EIF2B3: variants seen among roughly 807,000 people sequenced by gnomAD.
EIF2B3 encodes the protein eukaryotic translation initiation factor 2B subunit gamma.
In EIF2B3, 20 loss-of-function variants were observed where a neutral mutation model predicts 54.1. The observed-to-expected ratio is 0.37, with a 90% confidence interval of 0.26 to 0.54. The LOEUF is 0.54. EIF2B3 is among the 20% of genes least tolerant of loss of function. EIF2B3 has a pLI of 0.86. For synonymous variants in EIF2B3, 153 were observed against 188.1 expected, an observed-to-expected ratio of 0.81 and a Z score of 1.52; for missense variants, 448 against 547.8, an observed-to-expected ratio of 0.82 and a Z score of 1.82.
At chr1:44,875,042 AAAC>A (rs1655077063) in intron 9 of EIF2B3, among the ~76,000 whole-genome samples, 1 of 152,196 alleles carries the variant, frequency 6.6e-6, no homozygotes, top group Admixed American at 6.5e-5. Flanking sequence ...CTTGCCAAGA[AAAC>A]AAAATAAAAC....
chr1:44,937,947 C>T (rs1002809647), intron 4 of EIF2B3, among the ~76,000 whole-genome samples: 1 of 114,858 alleles, frequency 8.7e-6, no homozygotes, highest in Non-Finnish European at 1.8e-5. Context: ...TGAAATACTC[C>T]AAAAAGTCTA....
At chr1:44,924,908 T>C (rs942007983) in intron 5 of EIF2B3, 1 of 152,238 alleles carries the variant, frequency 6.6e-6, no homozygotes, top group Non-Finnish European at 1.5e-5. Flanking sequence ...AGTATATTTG[T>C]ACAGCTGACA....
rs869139321 is a variant in EIF2B3 at position 44,917,755 on chromosome 1, C to CTTTTT, written c.566+8868_566+8872dup. Reference sequence around the variant, plus strand: ...TATTTATTTTGCCACCAATAACACTCTTTTTTTTTTTTTTTTTTTTTTTTT... The same window carrying CTTTTT: ...TATTTATTTTGCCACCAATAACACTCTTTTTTTTTTTTTTTTTTTTTTTTTTTTTT... On this transcript the variant is annotated intron_variant, in intron 5 of 11. Coordinates refer to ENST00000360403, the MANE Select transcript of EIF2B3 (RefSeq NM_020365.5). Among the ~76,000 whole-genome samples, 9 of 44,238 alleles carry CTTTTT rather than the reference C, an allele frequency of 2.0e-4. 2 individuals are homozygous for CTTTTT. Among genetic ancestry groups the CTTTTT allele is most frequent in the Admixed American group, 6.9e-4 (2 of 2,880 alleles). 29.0% of individuals were successfully genotyped at this position (44,238 alleles called of 152,430 possible).
intron 3 of EIF2B3, among the ~76,000 whole-genome samples, chr1:44,955,286 T>A (rs367942157): frequency 9.9e-5 from 15 of 152,272 alleles, no homozygotes; most frequent in African/African-American, 3.1e-4. Context: ...ATTTAATAAA[T>A]GGTGTTGGGA....
chr1:44,850,856 T>C lies in EIF2B3; in HGVS notation c.*95A>G. 6.9e-7 allele frequency: 1 copy of C among 1,447,234 alleles called. No individual in the cohort carries two copies. Among genetic ancestry groups the C allele is most frequent in the East Asian group, 2.3e-5 (1 of 44,040 alleles). The allele number at this position is 1,447,234 out of a possible 1,614,324, so 89.6% of individuals were successfully genotyped here. ...TCTCCAGCATGCCTTTGGAAGCCCT[T>C]CTTTATTGGGAAATAAATACAGAGT... On this transcript the variant is annotated 3_prime_UTR_variant, in exon 12 of 12. Transcript: ENST00000360403.
At chr1:44,885,770 C>T (rs557893624) in intron 6 of EIF2B3, among the ~76,000 whole-genome samples, 13 of 151,282 alleles carry the variant, frequency 8.6e-5, no homozygotes, top group African/African-American at 2.4e-4. Flanking sequence ...TTTTTTTAGA[C>T]GCAGTCTCGC....
intron 5 of EIF2B3, 62 bp from the exon 6 acceptor site, chr1:44,897,506 C>G: frequency 7.6e-7 from 1 of 1,309,614 alleles, no homozygotes; most frequent in Non-Finnish European, 1.1e-6. Context: ...AACATGGTCT[C>G]CATTCTATTA....
intron 10 of EIF2B3, among the ~76,000 whole-genome samples, chr1:44,862,664 C>T (rs909925629): frequency 3.9e-5 from 6 of 152,198 alleles, no homozygotes; most frequent in African/African-American, 2.4e-5. Flanking sequence ...CTCACACTGT[C>T]GCCCGGACTG....
chr1:44,901,204 C>T (rs1643289891), intron 5 of EIF2B3, among the ~76,000 whole-genome samples: 1 of 151,798 alleles, frequency 6.6e-6, no homozygotes, highest in African/African-American at 2.4e-5. Context: ...CAACCCCTGC[C>T]TCCCAGGTTT....
chr1:44,982,293 T>A (rs562050157), intron 1 of EIF2B3, among the ~76,000 whole-genome samples: 2 of 152,246 alleles, frequency 1.3e-5, no homozygotes, highest in African/African-American at 4.8e-5. Flanking sequence ...AGGTCATAAA[T>A]CTTTATTTAT....
chr1:44,974,049 C>G (rs558877418), intron 3 of EIF2B3, among the ~76,000 whole-genome samples: 57 of 152,224 alleles, frequency 3.7e-4, no homozygotes, highest in African/African-American at 1.2e-3. Flanking sequence ...TGGAAGCCCC[C>G]ACTCTAATCA....
intron 3 of EIF2B3, among the ~76,000 whole-genome samples, chr1:44,943,483 G>C (rs1275121615): frequency 6.6e-6 from 1 of 151,758 alleles, no homozygotes; most frequent in East Asian, 1.9e-4. Flanking sequence ...GCAGTGGCAT[G>C]ATCATGGCTT....
intron 5 of EIF2B3, among the ~76,000 whole-genome samples, chr1:44,901,550 CTTTTTTTT>C (rs36059931): frequency 2.7e-5 from 3 of 111,582 alleles, no homozygotes; most frequent in South Asian, 2.7e-4. Flanking sequence ...TGGGCCTGGC[CTTTTTTTT>C]TTTTTTTTTT....
chr1:44,962,951 CA>C (rs1409988917), intron 3 of EIF2B3, among the ~76,000 whole-genome samples: 1 of 152,036 alleles, frequency 6.6e-6, no homozygotes, highest in Non-Finnish European at 1.5e-5. Context: ...AAAGACCAGA[CA>C]GCTGGGTGCA....
intron 2 of EIF2B3, among the ~76,000 whole-genome samples, chr1:44,979,682 G>A (rs1407962665): frequency 6.6e-6 from 1 of 150,992 alleles, no homozygotes; most frequent in Non-Finnish European, 1.5e-5. Flanking sequence ...AACCAAAGGG[G>A]GCCATGCGTA....
intron 4 of EIF2B3, 73 bp from the exon 5 acceptor site, chr1:44,926,812 C>A: frequency 1.6e-6 from 2 of 1,242,548 alleles, no homozygotes; most frequent in South Asian, 2.4e-5. Context: ...CCAGGGAACA[C>A]AGTATCTGCT....
chr1:44,880,910 G>A lies in EIF2B3; in HGVS notation c.784+702C>T, dbSNP rs567618726. 4.6e-5 allele frequency among the ~76,000 whole-genome samples: 7 copies of A among 151,944 alleles called. No individual in the cohort carries two copies. The South Asian group carries it at 6.2e-4, about 14-fold the overall frequency. On this transcript the variant is annotated intron_variant, in intron 7 of 11. Coordinates refer to ENST00000360403, the MANE Select transcript of EIF2B3 (RefSeq NM_020365.5). Reference sequence around the variant, plus strand: ...CGGGAGGCGGAGCTTGCAGTGAGCCGAGATTGCGCCACTGCCCTCCAGCCT... The same window carrying A: ...CGGGAGGCGGAGCTTGCAGTGAGCCAAGATTGCGCCACTGCCCTCCAGCCT...
intron 3 of EIF2B3, 34 bp downstream of exon 3, chr1:44,978,279 TCA>T: frequency 6.2e-7 from 1 of 1,611,378 alleles, no homozygotes. Context: ...TCATCTATCT[TCA>T]ATAAACAAGA....
chr1:44,985,958 C>A (rs538421964), intron 1 of EIF2B3, among the ~76,000 whole-genome samples: 1 of 152,238 alleles, frequency 6.6e-6, no homozygotes, highest in South Asian at 2.1e-4. Flanking sequence ...ACTGCTCCTC[C>A]CTATATTTCA....
Sources: allele counts gnomAD v4.1 joint callset (sites outside exome capture counted in the v4.1 genomes callset), GRCh38; gene constraint gnomAD v4.1.1; transcripts MANE v1.5; gene names NCBI Gene and HGNC (gene_info 2026-07-23, HGNC 2026-07-21).